CR1: variants seen among roughly 807,000 people sequenced by gnomAD.
CR1 encodes the protein complement C3b/C4b receptor 1 (Knops blood group), also known as complement receptor type 1.
CR1 carries 116 observed loss-of-function variants against 187.3 expected under a neutral mutation model. The observed-to-expected ratio is 0.62, with a 90% CI of 0.53 to 0.72. The LOEUF is 0.72. CR1 is among the 30% of genes least tolerant of loss of function. The pLI, the probability that CR1 is intolerant of heterozygous loss-of-function variation, is 0.00. For synonymous variants in CR1, 576 were observed against 747.1 expected, an observed-to-expected ratio of 0.77 and a Z score of 3.73; for missense variants, 1,731 against 2,110.7, an observed-to-expected ratio of 0.82 and a Z score of 3.52.
chr1:207,617,550 TA>T, intron 41 of CR1, among the ~76,000 whole-genome samples: 1 of 120,770 alleles, frequency 8.3e-6, no homozygotes, highest in Non-Finnish European at 1.8e-5. Flanking sequence ...TGTGTGTATA[TA>T]TATATGTGTA....
chr1:207,515,693 A>T (rs1558221308), intron 4 of CR1, among the ~76,000 whole-genome samples: 1 of 152,134 alleles, frequency 6.6e-6, no homozygotes. Flanking sequence ...ACGTTTGTGA[A>T]GTGCTATTCC....
rs577297727 is a variant in CR1, at chr1:207,567,724, T to G, written c.3953-100T>G. ...AGTCCTAATGTCTACTGTCATCTCC[T>G]TAGCATATTTTCAGCAACACCAATC... On this transcript the variant is annotated intron_variant, in intron 24 of 46. Coordinates refer to ENST00000367049, the MANE Select transcript of CR1 (RefSeq NM_000651.6). 1,122 of 1,453,448 alleles carry G rather than the reference T, an allele frequency of 7.7e-4. 13 individuals carry two copies. The highest frequency in any genetic ancestry group is 7.7e-4 in the Non-Finnish European group (814 of 1,056,162). 90.0% of individuals were successfully genotyped at this position (1,453,448 alleles called of 1,614,324 possible). A position where few individuals can be genotyped will look rare whatever the true frequency, so the allele number is the denominator to read the frequency against.
chr1:207,512,838 C>A (rs1388425867), intron 4 of CR1, among the ~76,000 whole-genome samples: 3 of 152,014 alleles, frequency 2.0e-5, no homozygotes, highest in African/African-American at 4.8e-5. Context: ...TACACCTATA[C>A]CTGTATTTAT....
chr1:207,622,993 G>A lies in CR1; in HGVS notation c.7277G>A (p.Gly2426Asp), dbSNP rs770758740. 11 of 1,567,440 alleles carry A rather than the reference G, an allele frequency of 7.0e-6. No homozygotes were observed. Among genetic ancestry groups the A allele is most frequent in the Non-Finnish European group, 8.7e-6 (10 of 1,152,542 alleles). ...TSRTHDALIV[G>D]TLSGTIFFIL... ...TTAATTACCTTGTTTTACTGCCTAG[G>A]CACTTTATCTGGTACGATCTTCTTT... The change falls in exon 45 of 47, where the codon GGC becomes GAC. Residue 2426 changes from glycine to aspartate, a missense_variant and splice_region_variant. Physicochemically the swap from Gly to Asp is moderately conservative, Grantham distance 94. This residue lies in a region of CR1 where 1,312 missense variants were observed against 1,379.6 expected (regional missense o/e 0.95). Transcript: ENST00000367049.
At chr1:207,511,956 T>G (rs993541199) in intron 4 of CR1, among the ~76,000 whole-genome samples, 1 of 152,204 alleles carries the variant, frequency 6.6e-6, no homozygotes, top group African/African-American at 2.4e-5. Context: ...ATAATCATCT[T>G]GCTTGGCAAA....
intron 4 of CR1, among the ~76,000 whole-genome samples, chr1:207,517,274 G>T (rs112216625): frequency 6.6e-6 from 1 of 151,956 alleles, no homozygotes; most frequent in Admixed American, 6.6e-5. Context: ...TATGTATGGG[G>T]GATATGCGTG....
intron 33 of CR1, among the ~76,000 whole-genome samples, chr1:207,586,844 A>G (rs1313707235): frequency 6.6e-6 from 1 of 152,230 alleles, no homozygotes; most frequent in Admixed American, 6.5e-5. Context: ...CAAGAACCTA[A>G]TCTTAATTCT....
chr1:207,566,416 T>G (rs2102325694), intron 24 of CR1, among the ~76,000 whole-genome samples: 1 of 150,324 alleles, frequency 6.7e-6, no homozygotes, highest in Non-Finnish European at 1.5e-5. Context: ...TTAATCAATA[T>G]TTATTGATCA....
In CR1 at chr1:207,575,637, A is replaced by C. The variant is rs367801558; in HGVS notation, c.4494A>C (p.Ser1498=). 9 of 1,611,706 alleles carry C rather than the reference A, an allele frequency of 5.6e-6. No individual in the cohort carries two copies. The African/African-American group carries it at 9.4e-5, about 17-fold the overall frequency. The part of the protein sequence containing the change: ...IGHSSAECIL[S]GNTAHWSTKP... Reference sequence around the variant, plus strand: ...ACTCATCTGCTGAATGTATCCTCTCAGGCAATACTGCCCATTGGAGCACGA... The same window carrying C: ...ACTCATCTGCTGAATGTATCCTCTCCGGCAATACTGCCCATTGGAGCACGA... Residue 1498 remains serine, a synonymous_variant, in exon 28 of 47, where the codon TCA becomes TCC. Transcript: ENST00000367049.
chr1:207,622,370 T>G (rs1196895169), intron 44 of CR1, among the ~76,000 whole-genome samples: 1 of 152,202 alleles, frequency 6.6e-6, no homozygotes, highest in Non-Finnish European at 1.5e-5. Context: ...TTTGCACAAA[T>G]AGAAAGCCAT....
At chr1:207,584,200 GTATAA>G (rs1361353676) in intron 32 of CR1, among the ~76,000 whole-genome samples, 1 of 151,890 alleles carries the variant, frequency 6.6e-6, no homozygotes, top group Non-Finnish European at 1.5e-5. Context: ...AATAATAAAT[GTATAA>G]TATATTTTAG....
At chr1:207,620,466 T>C (rs1662281795) in intron 43 of CR1, among the ~76,000 whole-genome samples, 1 of 152,236 alleles carries the variant, frequency 6.6e-6, no homozygotes, top group Non-Finnish European at 1.5e-5. Flanking sequence ...AGAGCAGATT[T>C]AGAAATTACG....
At chr1:207,521,588 A>G (rs1659993528) in intron 4 of CR1, among the ~76,000 whole-genome samples, 1 of 135,394 alleles carries the variant, frequency 7.4e-6, no homozygotes, top group Non-Finnish European at 1.6e-5. Flanking sequence ...TACTTTTACA[A>G]TTCTAGACTT....
intron 39 of CR1, among the ~76,000 whole-genome samples, 193 bp from the exon 40 acceptor site, chr1:207,614,211 C>A (rs992524244): frequency 6.6e-6 from 1 of 152,116 alleles, no homozygotes; most frequent in African/African-American, 2.4e-5. Flanking sequence ...AATAAATTGG[C>A]CTTTGAGTTT....
intron 24 of CR1, among the ~76,000 whole-genome samples, chr1:207,567,196 A>T (rs1444764274): frequency 1.3e-5 from 2 of 150,320 alleles, no homozygotes; most frequent in Non-Finnish European, 1.5e-5. Flanking sequence ...CCCAGAGAGT[A>T]AAAAGAGAAA....
Position 207,584,504 on chromosome 1 carries a change from A to C in CR1, c.5303-145A>C, listed in dbSNP as rs556899561. The C allele has an allele frequency of 2.0e-5, 20 of 978,878 alleles. No homozygotes were observed. In the East Asian group the frequency reaches 2.6e-4, roughly 13 times the overall value. 60.6% of individuals were successfully genotyped at this position (978,878 alleles called of 1,614,324 possible). On this transcript the variant is annotated intron_variant, in intron 32 of 46. Coordinates refer to ENST00000367049, the MANE Select transcript of CR1 (RefSeq NM_000651.6). ...TTAGCTCCATCTTAGCAGAGGCCTA[A>C]TACATTTATTTTGCAGTTTCTACTT...
intron 42 of CR1, among the ~76,000 whole-genome samples, chr1:207,618,793 C>G (rs960627322): frequency 3.3e-5 from 5 of 152,056 alleles, no homozygotes; most frequent in African/African-American, 1.2e-4. Flanking sequence ...CACCTGTAAT[C>G]CCAGCACTTT....
At chr1:207,524,161 T>C (rs114223242) in intron 5 of CR1, among the ~76,000 whole-genome samples, 152 bp downstream of exon 5, 2,383 of 152,190 alleles carry the variant, frequency 0.016, 27 homozygotes, top group Non-Finnish European at 0.023. Flanking sequence ...AGAAGGTGTG[T>C]GTACATGCAC....
At chr1:207,519,308 T>G (rs1184858579) in intron 4 of CR1, among the ~76,000 whole-genome samples, 1 of 151,838 alleles carries the variant, frequency 6.6e-6, no homozygotes, top group Non-Finnish European at 1.5e-5. Context: ...ATAATAAAAA[T>G]TAAAAATAAA....
Sources: allele counts gnomAD v4.1 joint callset (sites outside exome capture counted in the v4.1 genomes callset), GRCh38; gene constraint gnomAD v4.1.1; regional missense constraint gnomAD v4.1.1; transcripts MANE v1.5; gene names NCBI Gene and HGNC (gene_info 2026-07-23, HGNC 2026-07-21).